LARGE1: variants seen among roughly 807,000 people sequenced by gnomAD.
The protein encoded by LARGE1 is LARGE xylosyl- and glucuronyltransferase 1.
Under a neutral mutation model 87.6 loss-of-function variants are expected in LARGE1, and 43 were observed. That is an observed-to-expected ratio of 0.49 (90% confidence interval 0.38 to 0.63). LARGE1 has a LOEUF of 0.63. LARGE1 is among the 30% of genes least tolerant of loss of function. LARGE1 has a pLI of 0.00. For synonymous variants in LARGE1, 434 were observed against 394.6 expected (o/e 1.10, Z -1.18); for missense variants, 802 against 1,000.2 (o/e 0.80, Z 2.67).
chr22:33,090,599 G>GCACAT, the LARGE1 span, among the ~76,000 whole-genome samples: 2 of 152,198 alleles, frequency 1.3e-5, no homozygotes, highest in Non-Finnish European at 2.9e-5. Flanking sequence ...TTCTGGAGTG[G>GCACAT]AGTGATAGCA....
downstream of LARGE1, among the ~76,000 whole-genome samples, chr22:33,269,087 T>A (rs117787042): frequency 5.7e-4 from 87 of 152,302 alleles, no homozygotes; most frequent in East Asian, 0.015. Context: ...CAATGTTATG[T>A]TTTAAAAAAA....
chr22:33,544,800 C>T (rs932134979), intron 6 of LARGE1, among the ~76,000 whole-genome samples: 5 of 152,114 alleles, frequency 3.3e-5, no homozygotes, highest in Non-Finnish European at 7.3e-5. Flanking sequence ...ACAAATCTGC[C>T]CTAAACCAAT....
chr22:33,918,644 T>C (rs2065855139), intron 1 of LARGE1, among the ~76,000 whole-genome samples: 1 of 152,168 alleles, frequency 6.6e-6, no homozygotes, highest in South Asian at 2.1e-4. Flanking sequence ...TTGTGAGGGA[T>C]GGGAGAAGAA....
Position 33,626,234 on chromosome 22 carries a change from T to C in LARGE1, c.491+10A>G. The C allele has an allele frequency of 6.2e-7, 1 of 1,612,838 alleles. No individual in the cohort carries two copies. Among genetic ancestry groups the C allele is most frequent in the Non-Finnish European group, 8.5e-7 (1 of 1,178,830 alleles). On this transcript the variant is annotated intron_variant, in intron 4 of 14. Coordinates refer to ENST00000397394, the MANE Select transcript of LARGE1 (RefSeq NM_133642.5). ...GACCTCAGCCCACACAGCACAGAAG[T>C]TGTTCTTACCTATGGAACAGGACGG... is the stretch of plus-strand genomic sequence containing the variant.
exon 12 of LARGE1, chr22:33,164,170 C>T (rs538549820): frequency 5.3e-5 from 8 of 152,282 alleles, no homozygotes; most frequent in South Asian, 4.2e-4. Context: ...TAATCCCTCA[C>T]GAGGAGCAGA....
At chr22:33,730,314 A>C (rs2083420427) in intron 2 of LARGE1, among the ~76,000 whole-genome samples, 2 of 152,238 alleles carry the variant, frequency 1.3e-5, no homozygotes, top group Admixed American at 1.3e-4. Context: ...CATACATACA[A>C]ACTACATGTG....
In LARGE1 at chr22:33,283,247, G is replaced by T; in HGVS notation, c.1832C>A (p.Ala611Glu). The T allele has an allele frequency of 6.2e-7, 1 of 1,614,178 alleles. No individual in the cohort carries two copies. Among genetic ancestry groups the T allele is most frequent in the Non-Finnish European group, 8.5e-7 (1 of 1,180,044 alleles). ...RYRLSFPKSKAELLSMLDMGT... is the reference protein window; with the variant it reads ...RYRLSFPKSKEELLSMLDMGT... ...CATGTCCAGCATTGACAGCAACTCC[G>T]CTTTTGACTTGGGGAAGGACAGCCG... is the stretch of plus-strand genomic sequence containing the variant. Residue 611 changes from alanine to glutamate, a missense_variant, in exon 13 of 15, where the codon GCG (alanine) becomes GAG (glutamate). Around this residue, in one of 2 missense-constraint regions of LARGE1, gnomAD observed 625 missense variants for 841.9 expected, o/e 0.74. Transcript: ENST00000397394.
chr22:33,266,219 C>CTTTTT lies in LARGE1; in HGVS notation c.1730+38005_1730+38009dup, dbSNP rs983805203. ...GTGGGCCTAGGTCTGATTTTCAGGG[C>CTTTTT]TTTTTTTTTTTTTTTTTTTGAGATG... On this transcript the variant is annotated intron_variant, in intron 11 of 11. Transcript: ENST00000608642. Among the ~76,000 whole-genome samples, 256 of 106,888 alleles carry CTTTTT rather than the reference C, an allele frequency of 2.4e-3. 4 individuals are homozygous for CTTTTT. The highest frequency in any genetic ancestry group is 3.7e-3 in the African/African-American group (87 of 23,306). 70.1% of individuals were successfully genotyped at this position (106,888 alleles called of 152,430 possible).
At chr22:33,762,213 CAAAAAAAAAAAAAA>C (rs56832457) in intron 1 of LARGE1, among the ~76,000 whole-genome samples, 58 of 84,456 alleles carry the variant, frequency 6.9e-4, no homozygotes, top group Non-Finnish European at 8.6e-4. Flanking sequence ...GATTCTATCT[CAAAAAAAAAAAAAA>C]AAAAAAAAAA....
intron 11 of LARGE1, among the ~76,000 whole-genome samples, chr22:33,217,550 A>T (rs949123988): frequency 2.0e-5 from 3 of 152,238 alleles, no homozygotes; most frequent in African/African-American, 7.2e-5. Flanking sequence ...AATATTCACT[A>T]TATTATTATA....
the LARGE1 span, among the ~76,000 whole-genome samples, chr22:33,087,307 A>G: frequency 6.6e-6 from 1 of 152,038 alleles, no homozygotes; most frequent in Non-Finnish European, 1.5e-5. Flanking sequence ...CAAGTTCTTC[A>G]ATTTAATTAC....
At chr22:33,252,066 C>T (rs929737210) in intron 11 of LARGE1, among the ~76,000 whole-genome samples, 11 of 152,134 alleles carry the variant, frequency 7.2e-5, no homozygotes, top group African/African-American at 2.4e-4. Flanking sequence ...TTAGTAAAGG[C>T]TACTAAATAC....
intron 3 of LARGE1, among the ~76,000 whole-genome samples, chr22:33,637,316 A>T (rs1265176137): frequency 6.6e-6 from 1 of 152,194 alleles, no homozygotes; most frequent in African/African-American, 2.4e-5. Flanking sequence ...TCTCAGTGGC[A>T]CAATTTCTAA....
chr22:33,493,154 CTTTTT>C (rs750203810), intron 6 of LARGE1, among the ~76,000 whole-genome samples: 3 of 109,194 alleles, frequency 2.7e-5, no homozygotes, highest in Admixed American at 2.1e-4. Flanking sequence ...GCATGGTGGC[CTTTTT>C]TTTTTTTTTT....
intron 1 of LARGE1, among the ~76,000 whole-genome samples, chr22:33,916,508 T>C (rs1481905246): frequency 5.3e-5 from 8 of 152,178 alleles, no homozygotes; most frequent in Non-Finnish European, 8.8e-5. Context: ...CATACGCCAA[T>C]GTGACAGAGA....
intron 1 of LARGE1, among the ~76,000 whole-genome samples, chr22:33,856,445 G>A (rs2063757973): frequency 6.6e-6 from 1 of 152,184 alleles, no homozygotes; most frequent in South Asian, 2.1e-4. Context: ...TAGATCTACT[G>A]ATCATCAGCC....
At chr22:33,182,835 T>G (rs886199822) in intron 11 of LARGE1, among the ~76,000 whole-genome samples, 3 of 152,142 alleles carry the variant, frequency 2.0e-5, no homozygotes, top group African/African-American at 7.2e-5. Flanking sequence ...AAGAGTTAAG[T>G]GTAACACCTG....
At chr22:33,207,709 T>C (rs1188794513) in intron 11 of LARGE1, among the ~76,000 whole-genome samples, 2 of 152,146 alleles carry the variant, frequency 1.3e-5, no homozygotes, top group Non-Finnish European at 2.9e-5. Flanking sequence ...CTTTTTCCTT[T>C]GCTCACACAG....
Position 33,564,743 on chromosome 22 carries a change from G to C in LARGE1, c.787+105C>G. The C allele has an allele frequency of 3.5e-6, 4 of 1,133,476 alleles. No homozygotes were observed. The South Asian group carries it at 5.0e-5, about 14-fold the overall frequency. The allele number at this position is 1,133,476 out of a possible 1,614,324, so 70.2% of individuals were successfully genotyped here. A position where few individuals can be genotyped will look rare whatever the true frequency, so the allele number is the denominator to read the frequency against. On this transcript the variant is annotated intron_variant, in intron 6 of 14. Coordinates refer to ENST00000397394, the MANE Select transcript of LARGE1 (RefSeq NM_133642.5). The stretch of plus-strand genomic sequence containing the variant: ...AATTCCTCACCCACTGCATTAGCAC[G>C]ACCTCATTCGAGGAGACCTCACCTT...
Sources: gnomAD v4.1 joint callset for allele counts (sites outside exome capture counted in the v4.1 genomes callset) on GRCh38, gnomAD v4.1.1 for gene constraint, gnomAD v4.1.1 regional missense constraint, MANE v1.5 for transcripts, NCBI Gene and HGNC (gene_info 2026-07-23, HGNC 2026-07-21) for gene names.